The following ARHGAP21 variants were observed in gnomAD, a reference collection of about 807,000 sequenced individuals.
ARHGAP21 encodes Rho GTPase activating protein 21.
In ARHGAP21, 38 loss-of-function variants were observed where a neutral mutation model predicts 164.6. That is an observed-to-expected ratio of 0.23 (90% CI 0.18 to 0.30). The LOEUF (loss-of-function observed/expected upper bound fraction) is 0.30. ARHGAP21 is among the 10% of genes least tolerant of loss of function. ARHGAP21 has a pLI of 1.00. For missense variants in ARHGAP21, 1,822 were observed against 2,370.7 expected (o/e 0.77, Z 4.81); for synonymous variants, 766 against 857.9 (o/e 0.89, Z 1.87).
chr10:24,643,565 A>G (rs1273527842), intron 4 of ARHGAP21, among the ~76,000 whole-genome samples: 2 of 152,210 alleles, frequency 1.3e-5, no homozygotes, highest in African/African-American at 4.8e-5. Context: ...ATTGGAACAG[A>G]AGTTACTTTC....
intron 4 of ARHGAP21, among the ~76,000 whole-genome samples, chr10:24,653,255 G>C (rs961220660): frequency 1.3e-5 from 2 of 152,000 alleles, no homozygotes; most frequent in South Asian, 2.1e-4. Flanking sequence ...CTGTTTAGAA[G>C]AGGATTTTGT....
chr10:24,637,852 T>A (rs1212941175), intron 4 of ARHGAP21, among the ~76,000 whole-genome samples: 1 of 151,780 alleles, frequency 6.6e-6, no homozygotes, highest in Non-Finnish European at 1.5e-5. Flanking sequence ...GTTGCACTTT[T>A]AATTCTTGCT....
At chr10:24,645,443 G>T (rs563871950) in intron 4 of ARHGAP21, among the ~76,000 whole-genome samples, 4 of 152,108 alleles carry the variant, frequency 2.6e-5, no homozygotes, top group Non-Finnish European at 5.9e-5. Context: ...AATTAGCAGG[G>T]TGTGGTGATG....
At chr10:24,703,100 T>C (rs1843864663) in intron 2 of ARHGAP21, among the ~76,000 whole-genome samples, 1 of 152,060 alleles carries the variant, frequency 6.6e-6, no homozygotes, top group Non-Finnish European at 1.5e-5. Context: ...TACATAATAT[T>C]CCAACTTGTA....
At chr10:24,716,201 C>T (rs924702538) in intron 2 of ARHGAP21, among the ~76,000 whole-genome samples, 14 of 152,206 alleles carry the variant, frequency 9.2e-5, no homozygotes, top group East Asian at 3.9e-4. Context: ...TCAACACCTG[C>T]GTTCTAGATA....
At position 24,595,014 on chromosome 10, in the gene ARHGAP21, T is replaced by C; in HGVS notation, c.3812A>G (p.Tyr1271Cys). The C allele has an allele frequency of 6.2e-7, 1 of 1,613,272 alleles. No individual in the cohort carries two copies. Among genetic ancestry groups the C allele is most frequent in the African/African-American group, 1.3e-5 (1 of 75,046 alleles). ...AGCTGAAAGGAACTTAAGTGTTTCA[T>C]AATGATGTTCAGGCAAATCGTGAAT... ...RLIHDLPEHH[Y>C]ETLKFLSAHL... is the part of the protein sequence containing the mutation. Residue 1271 changes from tyrosine to cysteine, a missense_variant, in exon 21 of 26, where the codon TAT (tyrosine) becomes TGT (cysteine). By Grantham distance (194) the Tyr-to-Cys change is radical. Coordinates refer to ENST00000396432, the MANE Select transcript of ARHGAP21 (RefSeq NM_020824.4).
chr10:24,629,956 T>C lies in ARHGAP21; in HGVS notation c.495+40A>G, dbSNP rs200744504. 15 of 1,371,462 alleles carry C rather than the reference T, an allele frequency of 1.1e-5. No homozygotes were observed. In the African/African-American group the frequency reaches 2.0e-4, roughly 19 times the overall value. The allele number at this position is 1,371,462 out of a possible 1,614,324, so 85.0% of individuals were successfully genotyped here. On this transcript the variant is annotated intron_variant, in intron 7 of 25. Coordinates refer to ENST00000396432, the MANE Select transcript of ARHGAP21 (RefSeq NM_020824.4). ...CTCAAAAATATTTTCCGAACATTCA[T>C]GACTGTAAAACAACTCATATATGAA...
chr10:24,599,928 T>TAGAG (rs1554964917), intron 14 of ARHGAP21, among the ~76,000 whole-genome samples: 1 of 151,998 alleles, frequency 6.6e-6, no homozygotes, highest in Non-Finnish European at 1.5e-5. Context: ...GGTCAGGAGA[T>TAGAG]AGAGACCATC....
At chr10:24,669,170 T>C (rs1277699082) in intron 3 of ARHGAP21, among the ~76,000 whole-genome samples, 2 of 151,260 alleles carry the variant, frequency 1.3e-5, no homozygotes, top group East Asian at 1.9e-4. Flanking sequence ...TAACCAAATA[T>C]AAAAAATTTT....
At chr10:24,650,446 C>A (rs950601932) in intron 4 of ARHGAP21, among the ~76,000 whole-genome samples, 4 of 152,058 alleles carry the variant, frequency 2.6e-5, no homozygotes, top group Admixed American at 2.6e-4. Flanking sequence ...AAGAGTAGAA[C>A]AGAATTTTAA....
In ARHGAP21 at chr10:24,722,281, T is replaced by C. The variant is rs1046325626; in HGVS notation, c.-380-2A>G. 5 of 224,438 alleles carry C rather than the reference T, an allele frequency of 2.2e-5. No homozygotes were observed. The highest frequency in any genetic ancestry group is 1.9e-4 in the Admixed American group (4 of 20,816). The allele number at this position is 224,438 out of a possible 1,614,324, so 13.9% of individuals were successfully genotyped here. On this transcript the variant is annotated splice_acceptor_variant, in intron 1 of 25. Coordinates refer to ENST00000396432, the MANE Select transcript of ARHGAP21 (RefSeq NM_020824.4). LOFTEE classifies it low-confidence loss of function (5UTR_SPLICE). ...CGAGTGTCAGCTCCTAGAGAGATCC[T>C]AGGAAAACGAGAAGTTAAAGGTCAT...
chr10:24,599,855 C>T (rs977698719), intron 14 of ARHGAP21, among the ~76,000 whole-genome samples: 5 of 152,044 alleles, frequency 3.3e-5, no homozygotes, highest in East Asian at 1.9e-4. Flanking sequence ...AATGCTGGGC[C>T]GGGCGCGGTG....
chr10:24,690,399 AT>A (rs2132005984), intron 2 of ARHGAP21, among the ~76,000 whole-genome samples: 1 of 152,248 alleles, frequency 6.6e-6, no homozygotes, highest in East Asian at 1.9e-4. Flanking sequence ...AACACTGAGT[AT>A]TTTTTTCATC....
chr10:24,704,826 G>A (rs1379108716), intron 2 of ARHGAP21, among the ~76,000 whole-genome samples: 1 of 151,898 alleles, frequency 6.6e-6, no homozygotes. Context: ...GGCTGCTCTC[G>A]AACTCCTGGG....
At chr10:24,676,182 A>C (rs1477889608) in intron 2 of ARHGAP21, among the ~76,000 whole-genome samples, 1 of 152,180 alleles carries the variant, frequency 6.6e-6, no homozygotes, top group Non-Finnish European at 1.5e-5. Context: ...AAAAGTAAAA[A>C]TGATTCTAGA....
At chr10:24,643,494 A>C (rs1283012516) in intron 4 of ARHGAP21, among the ~76,000 whole-genome samples, 1 of 152,208 alleles carries the variant, frequency 6.6e-6, no homozygotes, top group Non-Finnish European at 1.5e-5. Context: ...CCATTCTTCT[A>C]AACTATCAGT....
rs149059530 is a variant in ARHGAP21 at position 24,679,357 on chromosome 10, C to A, written c.64-8960G>T. Among the ~76,000 whole-genome samples the A allele has an allele frequency of 1.6e-4, 25 of 152,178 alleles. No homozygotes were observed. In the East Asian group the frequency reaches 4.1e-3, roughly 25 times the overall value. On this transcript the variant is annotated intron_variant, in intron 2 of 25. Coordinates refer to ENST00000396432, the MANE Select transcript of ARHGAP21 (RefSeq NM_020824.4). ...GGAAGGGCAAGGTCGTTTCCTGGGG[C>A]TTCTTTTTTATAGGGGCATGAATCC...
chr10:24,631,923 G>A (rs1835892294), intron 6 of ARHGAP21, among the ~76,000 whole-genome samples: 1 of 152,084 alleles, frequency 6.6e-6, no homozygotes, highest in African/African-American at 2.4e-5. Context: ...GTTTCACCAT[G>A]TTGCCCAGGC....
chr10:24,585,172 T>A lies in ARHGAP21; in HGVS notation c.5117A>T (p.Lys1706Ile). 1.2e-6 allele frequency: 2 copies of A among 1,610,572 alleles called. No individual in the cohort carries two copies. Among genetic ancestry groups the A allele is most frequent in the Non-Finnish European group, 1.7e-6 (2 of 1,179,244 alleles). Residue 1706 changes from lysine (K) to isoleucine (I), a missense_variant, in exon 26 of 26, where the codon AAA becomes ATA. Physicochemically the swap from Lys to Ile is moderately radical, Grantham distance 102. Coordinates refer to ENST00000396432, the MANE Select transcript of ARHGAP21 (RefSeq NM_020824.4). The part of the protein sequence containing the change: ...KLIECDTLSR[K>I]KSARFKSDSG... The stretch of plus-strand genomic sequence containing the variant: ...ATCTGACTTGAATCTAGCTGATTTT[T>A]TCCTGGAAAGAGTATCACATTCGAT...
Sources: allele counts gnomAD v4.1 joint callset (sites outside exome capture counted in the v4.1 genomes callset), GRCh38; gene constraint gnomAD v4.1.1; transcripts MANE v1.5; gene names NCBI Gene and HGNC (gene_info 2026-07-23, HGNC 2026-07-21).